WFDC10B: variants seen among roughly 807,000 people sequenced by gnomAD.
The protein encoded by WFDC10B is WAP four-disulfide core domain 10B.
WFDC10B carries 1 observed loss-of-function variant against 2.7 expected under a neutral mutation model. That is an observed-to-expected ratio of 0.38 (90% CI 0.13 to 1.79). The LOEUF (loss-of-function observed/expected upper bound fraction) is 1.79, where lower values mean the gene tolerates loss of function less well. Ranked by LOEUF, WFDC10B falls within the 40% of genes most tolerant of loss-of-function variation. The pLI is 0.33. For synonymous variants in WFDC10B, 26 were observed against 32.2 expected (o/e 0.81, Z 0.65); for missense variants, 71 against 87.8 (o/e 0.81, Z 0.76).
chr20:45,685,993 A>G lies in WFDC10B; in HGVS notation c.-1T>C. 6.2e-7 allele frequency: 1 copy of G among 1,613,876 alleles called. No homozygotes were observed. Among genetic ancestry groups the G allele is most frequent in the Non-Finnish European group, 8.5e-7 (1 of 1,179,940 alleles). ...CAAGCAGCAGAGTCTGGGGTGCCAT[A>G]ACTCTGACCAGAGCGTGAGCCCTAA... is the stretch of plus-strand genomic sequence containing the variant. On this transcript the variant is annotated 5_prime_UTR_variant, in exon 3 of 4. Coordinates refer to ENST00000330523, the MANE Select transcript of WFDC10B (RefSeq NM_172006.2).
chr20:45,696,930 T>TA (rs1292565791), intron 2 of WFDC10B, among the ~76,000 whole-genome samples: 1 of 151,848 alleles, frequency 6.6e-6, no homozygotes, highest in Admixed American at 6.6e-5. Flanking sequence ...CTTCTATAAT[T>TA]AAAAAAAATT....
At chr20:45,704,610 T>C (rs1219367843) in intron 1 of WFDC10B, 49 bp from the exon 2 acceptor site, 4 of 1,612,902 alleles carry the variant, frequency 2.5e-6, no homozygotes, top group African/African-American at 1.3e-5. Flanking sequence ...AGATATCTCA[T>C]ATCCAGGTCT....
At chr20:45,704,684 CTCCT>C (rs1984315686) in intron 1 of WFDC10B, 123 bp from the exon 2 acceptor site, 1 of 1,471,482 alleles carries the variant, frequency 6.8e-7, no homozygotes, top group Non-Finnish European at 9.0e-7. Context: ...TGCTGGATCT[CTCCT>C]TTTTTTTTTT....
At chr20:45,703,711 T>C (rs1984269875) in intron 2 of WFDC10B, among the ~76,000 whole-genome samples, 1 of 152,048 alleles carries the variant, frequency 6.6e-6, no homozygotes, top group Non-Finnish European at 1.5e-5. Context: ...CTGAAATACT[T>C]GGGGGTAGGG....
intron 2 of WFDC10B, 124 bp from the exon 3 acceptor site, chr20:45,686,180 T>C: frequency 8.6e-7 from 1 of 1,166,950 alleles, no homozygotes; most frequent in Non-Finnish European, 1.2e-6. Context: ...CCTGTCCTTC[T>C]CCATGTAGGA....
chr20:45,694,726 C>T, intron 2 of WFDC10B, among the ~76,000 whole-genome samples: 1 of 152,172 alleles, frequency 6.6e-6, no homozygotes, highest in East Asian at 1.9e-4. Flanking sequence ...TTCGATTCCA[C>T]CTCAGTTTCT....
intron 2 of WFDC10B, among the ~76,000 whole-genome samples, chr20:45,694,940 G>A (rs1000324820): frequency 6.6e-6 from 1 of 152,210 alleles, no homozygotes; most frequent in Non-Finnish European, 1.5e-5. Context: ...ACATCCATGT[G>A]CCAGGAGGGT....
chr20:45,702,911 G>A (rs749780833), intron 2 of WFDC10B, among the ~76,000 whole-genome samples: 4 of 152,150 alleles, frequency 2.6e-5, no homozygotes, highest in Admixed American at 6.5e-5. Context: ...GAATACTGGC[G>A]GCTCAGAAGA....
rs746859301 is a variant in WFDC10B, at chr20:45,685,994, A to T, written c.-2T>A. 4 of 1,613,668 alleles carry T rather than the reference A, an allele frequency of 2.5e-6. No individual in the cohort carries two copies. Among genetic ancestry groups the T allele is most frequent in the Non-Finnish European group, 3.4e-6 (4 of 1,179,922 alleles). On this transcript the variant is annotated 5_prime_UTR_variant, in exon 3 of 4. Transcript: ENST00000330523. Reference sequence around the variant, plus strand: ...AAGCAGCAGAGTCTGGGGTGCCATAACTCTGACCAGAGCGTGAGCCCTAAG... The same window carrying T: ...AAGCAGCAGAGTCTGGGGTGCCATATCTCTGACCAGAGCGTGAGCCCTAAG...
At chr20:45,689,503 C>T (rs1156721913) in intron 2 of WFDC10B, among the ~76,000 whole-genome samples, 12 of 151,998 alleles carry the variant, frequency 7.9e-5, no homozygotes, top group Admixed American at 3.9e-4. Flanking sequence ...TGTTTGTATC[C>T]TCTTTTATTT....
intron 2 of WFDC10B, among the ~76,000 whole-genome samples, chr20:45,688,444 C>T (rs527394109): frequency 1.3e-4 from 20 of 151,462 alleles, no homozygotes; most frequent in South Asian, 4.2e-4. Context: ...CCTGAGGAAT[C>T]GCCACTCCCA....
At position 45,687,948 on chromosome 20, in the gene WFDC10B, T is replaced by A. The variant is rs1983679799; in HGVS notation, c.-64-1892A>T. Reference sequence around the variant, plus strand: ...TGCAGGTTAGTTACATATGTATACATGTGACATGCTGGTGCGCTGCACCCA... The same window carrying A: ...TGCAGGTTAGTTACATATGTATACAAGTGACATGCTGGTGCGCTGCACCCA... On this transcript the variant is annotated intron_variant, in intron 2 of 3. Transcript: ENST00000330523. Among the ~76,000 whole-genome samples, 3 of 150,964 alleles carry A rather than the reference T, an allele frequency of 2.0e-5. No individual in the cohort carries two copies. The South Asian group carries it at 6.3e-4, about 32-fold the overall frequency.
At chr20:45,703,987 T>G (rs1415774219) in intron 2 of WFDC10B, among the ~76,000 whole-genome samples, 1 of 152,190 alleles carries the variant, frequency 6.6e-6, no homozygotes, top group Non-Finnish European at 1.5e-5. Flanking sequence ...TTTCACTCAT[T>G]CTTCCTGTAC....
chr20:45,701,808 CAT>C (rs1385832788), intron 2 of WFDC10B, among the ~76,000 whole-genome samples: 1 of 148,284 alleles, frequency 6.7e-6, no homozygotes, highest in Non-Finnish European at 1.5e-5. Context: ...ATAAATATAA[CAT>C]GTACAATTTC....
chr20:45,699,570 G>T (rs994531657), intron 2 of WFDC10B, among the ~76,000 whole-genome samples: 1 of 152,226 alleles, frequency 6.6e-6, no homozygotes, highest in Non-Finnish European at 1.5e-5. Context: ...CGTTCTGTTA[G>T]TGAGACTGTA....
At position 45,686,020 on chromosome 20, in the gene WFDC10B, T is replaced by G. The variant is rs983770561; in HGVS notation, c.-28A>C. On this transcript the variant is annotated 5_prime_UTR_variant, in exon 3 of 4. Transcript: ENST00000330523. ...CTCTGACCAGAGCGTGAGCCCTAAG[T>G]CTGGCCAGGCAGTCACAGACTTCCC... 22 of 1,610,992 alleles carry G rather than the reference T, an allele frequency of 1.4e-5. No homozygotes were observed. Among genetic ancestry groups the G allele is most frequent in the Non-Finnish European group, 1.9e-5 (22 of 1,178,636 alleles).
rs771641543 is a variant in WFDC10B at position 45,704,993 on chromosome 20, C to T, written c.-205G>A. 6.2e-7 allele frequency: 1 copy of T among 1,614,130 alleles called. No individual in the cohort carries two copies. Among genetic ancestry groups the T allele is most frequent in the East Asian group, 2.2e-5 (1 of 44,872 alleles). On this transcript the variant is annotated 5_prime_UTR_variant, in exon 1 of 4. Transcript: ENST00000330523. ...TGCCCTCCTTTCACAAGACACCATC[C>T]TTTGGCCACCAGTGTTCTTGGGCTC... is the stretch of plus-strand genomic sequence containing the variant.
intron 2 of WFDC10B, chr20:45,702,215 G>A (rs1212936483): frequency 6.8e-6 from 11 of 1,610,638 alleles, no homozygotes; most frequent in Non-Finnish European, 9.3e-6. Context: ...GTTCTGAGTA[G>A]GTGCTGGATC....
chr20:45,700,141 C>G (rs779912903), intron 2 of WFDC10B, among the ~76,000 whole-genome samples: 3 of 152,100 alleles, frequency 2.0e-5, no homozygotes, highest in Non-Finnish European at 4.4e-5. Flanking sequence ...GGCTATATGA[C>G]TAAGGTGTAT....
Sources: gnomAD v4.1 joint callset for allele counts (sites outside exome capture counted in the v4.1 genomes callset) on GRCh38, gnomAD v4.1.1 for gene constraint, MANE v1.5 for transcripts, NCBI Gene and HGNC (gene_info 2026-07-23, HGNC 2026-07-21) for gene names.